SCN7A: variants seen among roughly 807,000 people sequenced by gnomAD.
The protein encoded by SCN7A is sodium channel protein type 7 subunit alpha.
SCN7A carries 138 observed loss-of-function variants against 155.2 expected under a neutral mutation model. The observed-to-expected ratio is 0.89, with a 90% CI of 0.77 to 1.02. SCN7A has a LOEUF of 1.02. Ranked by LOEUF, SCN7A falls within the 50% of genes least tolerant of loss-of-function variation. SCN7A has a pLI of 0.00. For missense variants in SCN7A, 2,058 were observed against 1,986.6 expected, an observed-to-expected ratio of 1.04 and a Z score of -0.68; for synonymous variants, 693 against 649.0, an observed-to-expected ratio of 1.07 and a Z score of -1.03.
chr2:166,429,241 T>C lies in SCN7A; in HGVS notation c.2626A>G (p.Thr876Ala), dbSNP rs754467028. ...IKQSSSSECSTVDIAISEEEE... is the reference protein window; with the variant it reads ...IKQSSSSECSAVDIAISEEEE... ...TCTTCAGAGATAGCAATATCAACAG[T>C]ACTGCATTCAGATGAGCTAGATTGC... Residue 876 changes from threonine (T) to alanine (A), a missense_variant, in exon 17 of 26, where the codon ACT becomes GCT. Thr to Ala is a moderately conservative substitution (Grantham distance 58). Transcript: ENST00000643258. 1 of 1,545,704 alleles carries C rather than the reference T, an allele frequency of 6.5e-7. No homozygotes were observed. Among genetic ancestry groups the C allele is most frequent in the South Asian group, 1.2e-5 (1 of 82,790 alleles).
At chr2:166,470,479 A>G (rs371396979) in intron 7 of SCN7A, 136 bp downstream of exon 7, 33 of 697,328 alleles carry the variant, frequency 4.7e-5, no homozygotes, top group African/African-American at 3.5e-4. Flanking sequence ...CATAAATGTA[A>G]ATTTCAGATA....
rs147029384 is a variant in SCN7A, at chr2:166,405,569, G to T, written c.*11C>A. The stretch of plus-strand genomic sequence containing the variant: ...TATGTGAAGAAATATGAAAAGAGGT[G>T]GTAAGTGGTATTAGATCTGGCTTTG... On this transcript the variant is annotated 3_prime_UTR_variant, in exon 26 of 26. Coordinates refer to ENST00000643258, the MANE Select transcript of SCN7A (RefSeq NM_002976.4). 2 of 1,517,170 alleles carry T rather than the reference G, an allele frequency of 1.3e-6. No homozygotes were observed. Among genetic ancestry groups the T allele is most frequent in the Admixed American group, 2.1e-5 (1 of 46,654 alleles). The allele number at this position is 1,517,170 out of a possible 1,614,324, so 94.0% of individuals were successfully genotyped here.
intron 10 of SCN7A, among the ~76,000 whole-genome samples, chr2:166,461,037 T>G (rs1352290715): frequency 6.8e-6 from 1 of 146,190 alleles, no homozygotes; most frequent in East Asian, 2.0e-4. Context: ...AAATGTCACT[T>G]GTAATATTTT....
Position 166,462,441 on chromosome 2 carries a change from A to G in SCN7A, c.1031T>C (p.Phe344Ser), listed in dbSNP as rs1702435797. The part of the protein sequence containing the change: ...TNFDSFGWAL[F>S]ALFRLMAQDY... ...CTGAGCCATTAACCGAAATAGGGCA[A>G]ATAAGGCCCAGCCAAAACTGTCAAA... is the stretch of plus-strand genomic sequence containing the variant. The change falls in exon 10 of 26, where the codon TTT becomes TCT. Residue 344 changes from phenylalanine to serine, a missense_variant. Transcript: ENST00000643258. The G allele has an allele frequency of 1.9e-6, 3 of 1,611,242 alleles. No individual in the cohort carries two copies. Among genetic ancestry groups the G allele is most frequent in the Non-Finnish European group, 2.5e-6 (3 of 1,178,584 alleles).
At chr2:166,422,606 A>G (rs1479041964) in intron 19 of SCN7A, among the ~76,000 whole-genome samples, 1 of 152,144 alleles carries the variant, frequency 6.6e-6, no homozygotes, top group Non-Finnish European at 1.5e-5. Flanking sequence ...GTGCTGGTGG[A>G]TCAGTAAATA....
chr2:166,409,686 C>A lies in SCN7A; in HGVS notation c.3961G>T (p.Val1321Leu). 1 of 1,521,130 alleles carries A rather than the reference C, an allele frequency of 6.6e-7. No individual in the cohort carries two copies. Among genetic ancestry groups the A allele is most frequent in the South Asian group, 1.3e-5 (1 of 77,490 alleles). The allele number at this position is 1,521,130 out of a possible 1,614,324, so 94.2% of individuals were successfully genotyped here. A position where few individuals can be genotyped will look rare whatever the true frequency, so the allele number is the denominator to read the frequency against. ...TIAWNIFDFM[V>L]VIFSITGLCL... is the part of the protein sequence containing the mutation. ...TTACCTGTGATGGAGAAAATAACCACCATAAAATCAAAAATGTTCCACGCA... is the reference window on the plus strand; with the variant it reads ...TTACCTGTGATGGAGAAAATAACCAACATAAAATCAAAAATGTTCCACGCA... Residue 1321 changes from valine to leucine, a missense_variant, in exon 25 of 26, where the codon GTG becomes TTG. Physicochemically the swap from Val to Leu is conservative, Grantham distance 32. Coordinates refer to ENST00000643258, the MANE Select transcript of SCN7A (RefSeq NM_002976.4).
chr2:166,481,448 C>T (rs1298422041), intron 2 of SCN7A, among the ~76,000 whole-genome samples: 1 of 152,124 alleles, frequency 6.6e-6, no homozygotes, highest in Non-Finnish European at 1.5e-5. Flanking sequence ...ACTTGTAAAA[C>T]TTCAAAATTT....
chr2:166,443,394 A>G (rs960560097), intron 14 of SCN7A, 109 bp downstream of exon 14: 1 of 853,722 alleles, frequency 1.2e-6, no homozygotes, highest in African/African-American at 1.8e-5. Flanking sequence ...AATTCATTTA[A>G]TGCTCCCAAT....
chr2:166,442,395 T>G (rs1701980581), intron 14 of SCN7A, among the ~76,000 whole-genome samples: 1 of 152,146 alleles, frequency 6.6e-6, no homozygotes, highest in Admixed American at 6.6e-5. Flanking sequence ...TTTTCAATTT[T>G]TTTTTGTTTG....
intron 17 of SCN7A, 37 bp downstream of exon 17, chr2:166,429,132 A>C (rs1420382304): frequency 2.5e-6 from 3 of 1,196,752 alleles, no homozygotes; most frequent in Admixed American, 2.4e-5. Context: ...TTATAATTCA[A>C]ATTAGTTTCC....
At chr2:166,473,577 A>T (rs1334778582) in intron 5 of SCN7A, among the ~76,000 whole-genome samples, 1 of 151,518 alleles carries the variant, frequency 6.6e-6, no homozygotes, top group East Asian at 1.9e-4. Context: ...AATGGAAAGG[A>T]ATGAAAGTTA....
At chr2:166,470,146 T>C (rs1325710652) in intron 7 of SCN7A, among the ~76,000 whole-genome samples, 1 of 151,842 alleles carries the variant, frequency 6.6e-6, no homozygotes, top group East Asian at 1.9e-4. Context: ...ACCACATTGA[T>C]GGAAGATGAA....
At chr2:166,448,051 C>T (rs886398976) in intron 11 of SCN7A, among the ~76,000 whole-genome samples, 10 of 151,944 alleles carry the variant, frequency 6.6e-5, no homozygotes, top group Admixed American at 3.3e-4. Context: ...AACACTAGAT[C>T]TTATTCCTTC....
intron 11 of SCN7A, among the ~76,000 whole-genome samples, chr2:166,451,447 T>C (rs1314029143): frequency 6.6e-6 from 1 of 152,204 alleles, no homozygotes; most frequent in Non-Finnish European, 1.5e-5. Flanking sequence ...GCCTGAACTT[T>C]TGACAACCCA....
chr2:166,418,405 T>A (rs113565239), intron 20 of SCN7A, among the ~76,000 whole-genome samples: 1,687 of 151,012 alleles, frequency 0.011, 41 homozygotes, highest in African/African-American at 0.038. Flanking sequence ...GTGATGGGAT[T>A]ATAGGCGTGA....
At chr2:166,444,479 A>G (rs1702021093) in intron 13 of SCN7A, among the ~76,000 whole-genome samples, 1 of 152,196 alleles carries the variant, frequency 6.6e-6, no homozygotes, top group African/African-American at 2.4e-5. Flanking sequence ...GGGAGGGGCA[A>G]TAAATAATTT....
At position 166,413,981 on chromosome 2, in the gene SCN7A, G is replaced by GTATATATATATATATATATATGTATA. The variant is rs1701259669; in HGVS notation, c.3415-861_3415-860insTATACATATATATATATATATATATA. Among the ~76,000 whole-genome samples the GTATATATATATATATATATATGTATA allele has an allele frequency of 7.5e-5, 4 of 53,526 alleles. 1 individual carries two copies. The highest frequency in any genetic ancestry group is 1.1e-4 in the Non-Finnish European group (3 of 28,336). 35.1% of individuals were successfully genotyped at this position (53,526 alleles called of 152,430 possible). On this transcript the variant is annotated intron_variant, in intron 21 of 25. Transcript: ENST00000643258. ...CCCCTTTATATATATATGTGTATGT[G>GTATATATATATATATATATATGTATA]TATATATATATATATATATATAAAT...
At position 166,406,551 on chromosome 2, in the gene SCN7A, C is replaced by T; in HGVS notation, c.4078G>A (p.Gly1360Arg). 1 of 1,612,798 alleles carries T rather than the reference C, an allele frequency of 6.2e-7. No homozygotes were observed. The highest frequency in any genetic ancestry group is 8.5e-7 in the Non-Finnish European group (1 of 1,179,236). ...LSRIIHMLRL[G>R]KGPKVFHNLM... Reference sequence around the variant, plus strand: ...TTATGAAACACCTTTGGTCCTTTTCCAAGACGCAGCATGTGAATGATCCGT... The same window carrying T: ...TTATGAAACACCTTTGGTCCTTTTCTAAGACGCAGCATGTGAATGATCCGT... The change falls in exon 26 of 26, where the codon GGA becomes AGA. Residue 1360 changes from glycine (G) to arginine (R), a missense_variant. Coordinates refer to ENST00000643258, the MANE Select transcript of SCN7A (RefSeq NM_002976.4).
intron 3 of SCN7A, among the ~76,000 whole-genome samples, chr2:166,475,121 CATATATATATATATAT>C (rs1553520554): frequency 4.9e-5 from 5 of 102,212 alleles, no homozygotes; most frequent in Admixed American, 2.0e-4. Flanking sequence ...TATATATATA[CATATATATATATATAT>C]ACACACACAC....
Sources: allele counts gnomAD v4.1 joint callset (sites outside exome capture counted in the v4.1 genomes callset), GRCh38; gene constraint gnomAD v4.1.1; transcripts MANE v1.5; gene names NCBI Gene and HGNC (gene_info 2026-07-23, HGNC 2026-07-21).